The following VPS41 variants were observed in gnomAD, a reference collection of about 807,000 sequenced individuals.
VPS41 encodes VPS41 subunit of HOPS complex.
VPS41 carries 85 observed loss-of-function variants against 130.9 expected under a neutral mutation model. The ratio of observed to expected loss-of-function variants is 0.65; its 90% CI spans 0.55 to 0.78. The LOEUF (loss-of-function observed/expected upper bound fraction) is 0.78, where lower values mean the gene tolerates loss of function less well. VPS41 is among the 30% of genes least tolerant of loss of function. The pLI is 0.00. For synonymous variants in VPS41, 335 were observed against 332.9 expected, an observed-to-expected ratio of 1.01 and a Z score of -0.07; for missense variants, 874 against 1,018.7, an observed-to-expected ratio of 0.86 and a Z score of 1.93.
At chr7:38,866,579 T>G (rs1416270526) in intron 3 of VPS41, among the ~76,000 whole-genome samples, 1 of 152,174 alleles carries the variant, frequency 6.6e-6, no homozygotes, top group Non-Finnish European at 1.5e-5. Flanking sequence ...GAATTCATTA[T>G]GGACATGCTG....
At chr7:38,770,789 C>G (rs1358394303) in intron 14 of VPS41, among the ~76,000 whole-genome samples, 1 of 152,116 alleles carries the variant, frequency 6.6e-6, no homozygotes, top group Non-Finnish European at 1.5e-5. Context: ...GTATTTGATG[C>G]TCTAGATTAG....
chr7:38,865,273 A>G (rs1424360056), intron 3 of VPS41, among the ~76,000 whole-genome samples: 1 of 152,212 alleles, frequency 6.6e-6, no homozygotes, highest in African/African-American at 2.4e-5. Context: ...TGGACTTCAG[A>G]TAAAGAGTGC....
chr7:38,775,560 TTTTA>T (rs1784243433), intron 11 of VPS41: 1 of 152,100 alleles, frequency 6.6e-6, no homozygotes, highest in Non-Finnish European at 1.5e-5. Flanking sequence ...GAGCCACTGC[TTTTA>T]TTTTCAAAAA....
intron 8 of VPS41, 159 bp downstream of exon 8, chr7:38,796,586 A>G: frequency 1.9e-6 from 2 of 1,040,104 alleles, no homozygotes; most frequent in East Asian, 2.5e-5. Flanking sequence ...AAAGCAATCT[A>G]ATTTCTTTAA....
At chr7:38,844,662 T>A (rs1785684934) in intron 4 of VPS41, among the ~76,000 whole-genome samples, 1 of 152,218 alleles carries the variant, frequency 6.6e-6, no homozygotes, top group African/African-American at 2.4e-5. Flanking sequence ...TTTTCTGTAT[T>A]TATGAGAATG....
At chr7:38,789,993 A>G in intron 9 of VPS41, 126 bp from the exon 10 acceptor site, 1 of 790,750 alleles carries the variant, frequency 1.3e-6, no homozygotes, top group Non-Finnish European at 2.0e-6. Context: ...AATCTACCCT[A>G]TGACTTAAAT....
At chr7:38,800,865 C>A (rs1416924725) in intron 7 of VPS41, among the ~76,000 whole-genome samples, 1 of 150,694 alleles carries the variant, frequency 6.6e-6, no homozygotes, top group Non-Finnish European at 1.5e-5. Flanking sequence ...AATAAAAATT[C>A]ACTGGAACTT....
At chr7:38,789,327 G>A (rs1784493130) in intron 10 of VPS41, among the ~76,000 whole-genome samples, 1 of 152,176 alleles carries the variant, frequency 6.6e-6, no homozygotes, top group Admixed American at 6.5e-5. Context: ...CTGCAGTGCT[G>A]TAGTGCCTAA....
intron 2 of VPS41, among the ~76,000 whole-genome samples, chr7:38,873,223 C>T (rs1051459827): frequency 1.1e-4 from 16 of 151,888 alleles, no homozygotes; most frequent in East Asian, 1.9e-4. Flanking sequence ...TATCATTTCA[C>T]GCTTTTCTGA....
intron 4 of VPS41, among the ~76,000 whole-genome samples, chr7:38,850,621 GTA>G (rs1223815072): frequency 1.3e-5 from 2 of 152,134 alleles, no homozygotes; most frequent in African/African-American, 4.8e-5. Flanking sequence ...AGACTGGTAA[GTA>G]TTAAATTTGA....
chr7:38,800,394 T>C (rs1279792115), intron 7 of VPS41, among the ~76,000 whole-genome samples: 1 of 152,096 alleles, frequency 6.6e-6, no homozygotes, highest in Non-Finnish European at 1.5e-5. Context: ...TGAAATTTTA[T>C]ATTATTTTTA....
At chr7:38,894,430 A>G (rs6462874) in intron 2 of VPS41, among the ~76,000 whole-genome samples, 140,026 of 150,166 alleles carry the variant, frequency 0.93, 65,419 homozygotes, top group East Asian at 1. Flanking sequence ...AGCTAGAGGC[A>G]GCGGGGGGCA....
chr7:38,818,632 G>C (rs1380465604), intron 6 of VPS41, among the ~76,000 whole-genome samples: 1 of 152,168 alleles, frequency 6.6e-6, no homozygotes, highest in Non-Finnish European at 1.5e-5. Context: ...TCCACTCAGT[G>C]CACCTCCATC....
Position 38,752,217 on chromosome 7 carries a change from G to C in VPS41, c.1885C>G (p.Leu629Val). The C allele has an allele frequency of 6.2e-6, 10 of 1,613,988 alleles. No homozygotes were observed. The highest frequency in any genetic ancestry group is 8.5e-6 in the Non-Finnish European group (10 of 1,179,902). Reference sequence around the variant, plus strand: ...TGGGTACTGTCTCGGAGAAAGGGAAGTAAGTTTGGTCGATCATATTCAGCA... The same window carrying C: ...TGGGTACTGTCTCGGAGAAAGGGAACTAAGTTTGGTCGATCATATTCAGCA... Reference protein sequence around the residue: ...LYAEYDRPNLLPFLRDSTHCP... With the variant: ...LYAEYDRPNLVPFLRDSTHCP... Residue 629 changes from leucine (L) to valine (V), a missense_variant, in exon 22 of 29, where the codon CTT becomes GTT. Physicochemically the swap from Leu to Val is conservative, Grantham distance 32. Coordinates refer to ENST00000310301, the MANE Select transcript of VPS41 (RefSeq NM_014396.4).
chr7:38,884,990 CT>C (rs11336814), intron 2 of VPS41, among the ~76,000 whole-genome samples: 43,013 of 152,010 alleles, frequency 0.28, 7,208 homozygotes, highest in African/African-American at 0.45. Context: ...TTGTACTATA[CT>C]CTAAACTCTT....
At chr7:38,837,355 T>A (rs144817552) in intron 4 of VPS41, among the ~76,000 whole-genome samples, 170 of 152,292 alleles carry the variant, frequency 1.1e-3, no homozygotes, top group African/African-American at 4.0e-3. Flanking sequence ...ATCATGCCTG[T>A]GTAATAGAGT....
chr7:38,817,914 A>G, intron 6 of VPS41, 32 bp from the exon 7 acceptor site: 1 of 1,583,436 alleles, frequency 6.3e-7, no homozygotes, highest in Non-Finnish European at 8.7e-7. Context: ...ACTCTGGTTT[A>G]GGAGTCATGG....
intron 23 of VPS41, 104 bp downstream of exon 23, chr7:38,745,455 G>A (rs1324788330): frequency 1.2e-6 from 1 of 860,282 alleles, no homozygotes; most frequent in Non-Finnish European, 2.0e-6. Context: ...CTCATATTCT[G>A]TGTTACGTTG....
At chr7:38,778,191 G>A (rs1300711505) in intron 10 of VPS41, among the ~76,000 whole-genome samples, 2 of 152,160 alleles carry the variant, frequency 1.3e-5, no homozygotes, top group African/African-American at 4.8e-5. Context: ...GTTCTGCCAG[G>A]AACACATTTT....
Sources: gnomAD v4.1 joint callset for allele counts (sites outside exome capture counted in the v4.1 genomes callset) on GRCh38, gnomAD v4.1.1 for gene constraint, MANE v1.5 for transcripts, NCBI Gene and HGNC (gene_info 2026-07-23, HGNC 2026-07-21) for gene names.